SLC44A1: variants seen among roughly 807,000 people sequenced by gnomAD.
SLC44A1 encodes solute carrier family 44 member 1, also known as choline transporter-like protein 1.
SLC44A1 carries 26 observed loss-of-function variants against 79.3 expected under a neutral mutation model. The observed-to-expected ratio is 0.33, with a 90% confidence interval of 0.24 to 0.46. The LOEUF (loss-of-function observed/expected upper bound fraction) is 0.46, where lower values mean the gene tolerates loss of function less well. SLC44A1 is among the 20% of genes least tolerant of loss of function. The probability of loss-of-function intolerance (pLI) is 1.00; values close to 1 mark genes in which losing one functional copy is unlikely to be tolerated. For synonymous variants in SLC44A1, 263 were observed against 286.2 expected, an observed-to-expected ratio of 0.92 and a Z score of 0.82; for missense variants, 688 against 798.1, an observed-to-expected ratio of 0.86 and a Z score of 1.66.
At chr9:105,251,199 C>T (rs1034347074) in intron 1 of SLC44A1, among the ~76,000 whole-genome samples, 2 of 152,058 alleles carry the variant, frequency 1.3e-5, no homozygotes, top group East Asian at 1.9e-4. Context: ...AAAATCGTAC[C>T]CCTCACCCCC....
intron 12 of SLC44A1, among the ~76,000 whole-genome samples, chr9:105,373,421 A>G (rs1300800629): frequency 1.3e-5 from 2 of 151,888 alleles, no homozygotes; most frequent in South Asian, 2.1e-4. Flanking sequence ...AAAAGAATGG[A>G]AAAAAAAATC....
chr9:105,254,623 C>T (rs1406739299), intron 1 of SLC44A1, among the ~76,000 whole-genome samples: 1 of 152,176 alleles, frequency 6.6e-6, no homozygotes, highest in Non-Finnish European at 1.5e-5. Flanking sequence ...ATGAACTTCA[C>T]AGTTCGTAGT....
chr9:105,406,349 G>T (rs989228910), intron 15 of SLC44A1, among the ~76,000 whole-genome samples: 2 of 152,182 alleles, frequency 1.3e-5, no homozygotes, highest in Non-Finnish European at 2.9e-5. Context: ...GATTTCCAGA[G>T]TTGCCACATT....
rs753080101 is a variant in SLC44A1 at position 105,392,966 on chromosome 9, AC to A, written c.*3911del. The A allele has an allele frequency of 5.0e-5, 44 of 872,322 alleles. No homozygotes were observed. The highest frequency in any genetic ancestry group is 6.9e-5 in the Admixed American group (1 of 14,448). The allele number at this position is 872,322 out of a possible 1,614,324, so 54.0% of individuals were successfully genotyped here. ...TTTCTACTGCTACTTTAAAAAAAAAACAACAACAACAAATAAAACTCTCAGA... is the reference window on the plus strand; with the variant it reads ...TTTCTACTGCTACTTTAAAAAAAAAAAACAACAACAAATAAAACTCTCAGA... On this transcript the variant is annotated 3_prime_UTR_variant, in exon 16 of 16. Coordinates refer to ENST00000374720, the MANE Select transcript of SLC44A1 (RefSeq NM_080546.5).
At position 105,365,539 on chromosome 9, in the gene SLC44A1, G is replaced by A. The variant is rs540159903; in HGVS notation, c.1310G>A (p.Arg437His). 7.3e-5 allele frequency: 117 copies of A among 1,612,420 alleles called. No individual in the cohort carries two copies. The highest frequency in any genetic ancestry group is 9.1e-5 in the Non-Finnish European group (107 of 1,178,664). The change falls in exon 11 of 16, where the codon CGT becomes CAT. Residue 437 changes from arginine to histidine, a missense_variant. Transcript: ENST00000374720. ...TTGGCATCAGTAAATCGCCTTATTC[G>A]TTACCACCTAGGTACGGTGGCAAAA... ...PILASVNRLIRYHLGTVAKGS... is the reference protein window; with the variant it reads ...PILASVNRLIHYHLGTVAKGS...
At chr9:105,263,788 C>CA (rs1829896960) in intron 1 of SLC44A1, among the ~76,000 whole-genome samples, 1 of 152,136 alleles carries the variant, frequency 6.6e-6, no homozygotes, top group Non-Finnish European at 1.5e-5. Flanking sequence ...CCACCCGTCT[C>CA]AGCCTCCCAA....
chr9:105,349,036 T>A (rs1370584311), intron 5 of SLC44A1, among the ~76,000 whole-genome samples: 1 of 152,184 alleles, frequency 6.6e-6, no homozygotes. Flanking sequence ...AAATGTTCTT[T>A]GGAAGGATCT....
chr9:105,253,727 G>A (rs1490731672), intron 1 of SLC44A1, among the ~76,000 whole-genome samples: 2 of 152,104 alleles, frequency 1.3e-5, no homozygotes, highest in Non-Finnish European at 2.9e-5. Context: ...GCCAGACCCT[G>A]TCTTTATTTT....
At chr9:105,278,327 C>G (rs559302560) in intron 1 of SLC44A1, among the ~76,000 whole-genome samples, 1 of 152,280 alleles carries the variant, frequency 6.6e-6, no homozygotes, top group African/African-American at 2.4e-5. Flanking sequence ...TGGCTCACTG[C>G]AAACTCCGCC....
chr9:105,415,660 A>G (rs1243812111), intron 15 of SLC44A1, among the ~76,000 whole-genome samples: 1 of 152,166 alleles, frequency 6.6e-6, no homozygotes, highest in African/African-American at 2.4e-5. Context: ...CTCCAATACT[A>G]AAGGCATTTA....
At chr9:105,378,204 G>A (rs949674328) in intron 13 of SLC44A1, among the ~76,000 whole-genome samples, 11 of 152,224 alleles carry the variant, frequency 7.2e-5, no homozygotes, top group African/African-American at 2.7e-4. Flanking sequence ...AGCTGAGATA[G>A]CGCCACTGCA....
At position 105,383,212 on chromosome 9, in the gene SLC44A1, C is replaced by A. The variant is rs774345750; in HGVS notation, c.1722C>A (p.Ile574=). 6 of 1,613,966 alleles carry A rather than the reference C, an allele frequency of 3.7e-6. No homozygotes were observed. The highest frequency in any genetic ancestry group is 3.4e-6 in the Non-Finnish European group (4 of 1,179,982). ...DYTVWVLPLI[I]VCLFAFLVAH... is the part of the protein sequence containing the mutation. ...CAGTATGGGTGCTGCCTCTGATCAT[C>A]GTCTGCCTCTTTGCTTTCCTAGTCG... Residue 574 remains isoleucine, a synonymous_variant, in exon 14 of 16, where the codon ATC becomes ATA. Transcript: ENST00000374720.
rs1828815580 is a variant in SLC44A1, at chr9:105,393,693, G to A, written c.*4637G>A. ...CAAATGATGATTCAGTTTCAATATT[G>A]CATGAACAATTGCCACTTTGTAAAT... On this transcript the variant is annotated 3_prime_UTR_variant, in exon 16 of 16. Transcript: ENST00000374720. 2.0e-6 allele frequency: 2 copies of A among 984,318 alleles called. No homozygotes were observed. The highest frequency in any genetic ancestry group is 5.2e-4 in the Middle Eastern group (1 of 1,936). The allele number at this position is 984,318 out of a possible 1,614,324, so 61.0% of individuals were successfully genotyped here. A position where few individuals can be genotyped will look rare whatever the true frequency, so the allele number is the denominator to read the frequency against.
chr9:105,254,050 AAATAAT>A (rs1296951206), intron 1 of SLC44A1, among the ~76,000 whole-genome samples: 4 of 152,150 alleles, frequency 2.6e-5, no homozygotes, highest in African/African-American at 7.2e-5. Flanking sequence ...AGAAACAAAC[AAATAAT>A]AATAATAAAA....
Position 105,395,554 on chromosome 9 carries a change from T to C in SLC44A1, c.*6498T>C. 1 of 985,394 alleles carries C rather than the reference T, an allele frequency of 1.0e-6. No homozygotes were observed. Among genetic ancestry groups the C allele is most frequent in the Non-Finnish European group, 1.2e-6 (1 of 829,954 alleles). The allele number at this position is 985,394 out of a possible 1,614,324, so 61.0% of individuals were successfully genotyped here. A position where few individuals can be genotyped will look rare whatever the true frequency, so the allele number is the denominator to read the frequency against. On this transcript the variant is annotated 3_prime_UTR_variant, in exon 16 of 16. Coordinates refer to ENST00000374720, the MANE Select transcript of SLC44A1 (RefSeq NM_080546.5). ...TTAATGAACCTTCCACAGTAGTAAA[T>C]GCAGAGACCACTGGTGGAAATTCCC... is the stretch of plus-strand genomic sequence containing the variant.
chr9:105,365,390 T>G, intron 10 of SLC44A1, 93 bp from the exon 11 acceptor site: 1 of 916,524 alleles, frequency 1.1e-6, no homozygotes, highest in East Asian at 2.5e-5. Flanking sequence ...GAGCTGATTT[T>G]TTTTTTCACT....
chr9:105,301,115 A>C (rs910476444), intron 2 of SLC44A1, among the ~76,000 whole-genome samples: 2 of 151,968 alleles, frequency 1.3e-5, no homozygotes, highest in African/African-American at 4.8e-5. Context: ...GCCTTTCCCC[A>C]CTCCCTGAAT....
At chr9:105,325,769 G>A (rs1207743427) in intron 3 of SLC44A1, among the ~76,000 whole-genome samples, 1 of 152,206 alleles carries the variant, frequency 6.6e-6, no homozygotes, top group Non-Finnish European at 1.5e-5. Flanking sequence ...CAGATGAGGA[G>A]TAATTCTAAT....
At chr9:105,264,560 G>T (rs79293716) in intron 1 of SLC44A1, among the ~76,000 whole-genome samples, 1 of 152,166 alleles carries the variant, frequency 6.6e-6, no homozygotes, top group Non-Finnish European at 1.5e-5. Context: ...GATCGTGGTT[G>T]TCTTGTTCTA....
Sources: gnomAD v4.1 joint callset for allele counts (sites outside exome capture counted in the v4.1 genomes callset) on GRCh38, gnomAD v4.1.1 for gene constraint, MANE v1.5 for transcripts, NCBI Gene and HGNC (gene_info 2026-07-23, HGNC 2026-07-21) for gene names.